The following SPOCK1 variants were observed in gnomAD, a reference collection of about 807,000 sequenced individuals.
SPOCK1 encodes SPARC (osteonectin), cwcv and kazal like domains proteoglycan 1.
Under a neutral mutation model 55.3 loss-of-function variants are expected in SPOCK1, and 23 were observed. That is an observed-to-expected ratio of 0.42 (90% CI 0.30 to 0.59). The LOEUF (loss-of-function observed/expected upper bound fraction) is 0.59. Among genes scored for constraint, SPOCK1 ranks in the 20% least tolerant of loss-of-function variants. The probability of loss-of-function intolerance (pLI) is 0.22; values close to 1 mark genes in which losing one functional copy is unlikely to be tolerated. For missense variants in SPOCK1, 499 were observed against 552.5 expected (o/e 0.90, Z 0.97); for synonymous variants, 226 against 221.0 (o/e 1.02, Z -0.20).
chr5:137,295,433 C>A (rs1237147934), intron 2 of SPOCK1, among the ~76,000 whole-genome samples: 2 of 152,222 alleles, frequency 1.3e-5, no homozygotes, highest in African/African-American at 4.8e-5. Context: ...CAGAGATGAG[C>A]ATGTCTATGT....
chr5:137,098,120 A>T (rs1753189780), intron 5 of SPOCK1, among the ~76,000 whole-genome samples: 1 of 152,210 alleles, frequency 6.6e-6, no homozygotes, highest in African/African-American at 2.4e-5. Flanking sequence ...TGTTCGATGA[A>T]TTTAATATGT....
rs1750656594 is a variant in SPOCK1, at chr5:136,978,338, C to T, written c.*316G>A. ...TTTAAGAGGGTTGGGGCTCCCTGCA[C>T]TGTCAGAATTCCACGTAAATCACAT... On this transcript the variant is annotated 3_prime_UTR_variant, in exon 11 of 11. Transcript: ENST00000394945. The T allele has an allele frequency of 5.8e-6, 2 of 347,798 alleles. No individual in the cohort carries two copies. Among genetic ancestry groups the T allele is most frequent in the Non-Finnish European group, 1.0e-5 (2 of 194,616 alleles). 21.5% of individuals were successfully genotyped at this position (347,798 alleles called of 1,614,324 possible).
At chr5:137,435,264 T>C (rs184296343) in intron 2 of SPOCK1, among the ~76,000 whole-genome samples, 2 of 152,364 alleles carry the variant, frequency 1.3e-5, no homozygotes, top group Admixed American at 1.3e-4. Flanking sequence ...AATTAATTCC[T>C]TAAGAGAATT....
intron 2 of SPOCK1, among the ~76,000 whole-genome samples, chr5:137,330,224 AC>A (rs960304880): frequency 6.6e-6 from 1 of 151,672 alleles, no homozygotes; most frequent in African/African-American, 2.4e-5. Context: ...TGAATCAGAG[AC>A]CCCCCAGACA....
In SPOCK1 at chr5:137,112,452, G is replaced by C. The variant is rs535164705; in HGVS notation, c.457C>G (p.His153Asp). ...QSAMVCGSDGHSYTSKCKLEF... is the reference protein window; with the variant it reads ...QSAMVCGSDGDSYTSKCKLEF... ...AAACCAACCTTGGATGTGTAGGAGT[G>C]GCCATCTGAGCCGCAGACCATGGCT... is the stretch of plus-strand genomic sequence containing the variant. Residue 153 changes from histidine (H) to aspartate (D), a missense_variant, in exon 5 of 11, where the codon CAC becomes GAC. Around this residue, in one of 3 missense-constraint regions of SPOCK1, gnomAD observed 386 missense variants for 400.6 expected, o/e 0.96. Coordinates refer to ENST00000394945, the MANE Select transcript of SPOCK1 (RefSeq NM_004598.4). 6.2e-7 allele frequency: 1 copy of C among 1,613,508 alleles called. No homozygotes were observed. The highest frequency in any genetic ancestry group is 2.2e-5 in the East Asian group (1 of 44,862).
intron 3 of SPOCK1, among the ~76,000 whole-genome samples, chr5:137,258,614 C>T (rs1429171095): frequency 1.3e-5 from 2 of 152,188 alleles, no homozygotes; most frequent in African/African-American, 4.8e-5. Flanking sequence ...TAGGACTCAA[C>T]AAGTACAATA....
At chr5:137,132,016 ATAT>A (rs1580767707) in intron 4 of SPOCK1, among the ~76,000 whole-genome samples, 6 of 93,526 alleles carry the variant, frequency 6.4e-5, no homozygotes, top group East Asian at 4.9e-4. Context: ...ATATATATAT[ATAT>A]AAAAAATTAG....
chr5:137,127,409 A>G (rs1247995468), intron 4 of SPOCK1, among the ~76,000 whole-genome samples: 2 of 152,234 alleles, frequency 1.3e-5, no homozygotes, highest in African/African-American at 4.8e-5. Context: ...GTAGGGGGAC[A>G]GGGCTGCCTG....
intron 2 of SPOCK1, among the ~76,000 whole-genome samples, chr5:137,362,784 G>A (rs983142652): frequency 3.9e-5 from 6 of 152,202 alleles, no homozygotes; most frequent in Admixed American, 6.5e-5. Flanking sequence ...TATAAAAACA[G>A]ACAGACAGGG....
chr5:137,459,684 G>A (rs564661719), intron 2 of SPOCK1, among the ~76,000 whole-genome samples: 2 of 152,094 alleles, frequency 1.3e-5, no homozygotes, highest in South Asian at 2.1e-4. Flanking sequence ...GGCTTTTCTC[G>A]ACACCATCAA....
intron 3 of SPOCK1, among the ~76,000 whole-genome samples, chr5:137,239,624 G>T (rs1295733555): frequency 1.3e-5 from 2 of 152,122 alleles, no homozygotes. Context: ...AACTGAATTG[G>T]AGGACACCAG....
intron 2 of SPOCK1, among the ~76,000 whole-genome samples, chr5:137,399,658 C>A (rs888575869): frequency 6.6e-6 from 1 of 152,062 alleles, no homozygotes; most frequent in African/African-American, 2.4e-5. Flanking sequence ...GACGTTTGCA[C>A]GTAAAGAGAG....
intron 6 of SPOCK1, among the ~76,000 whole-genome samples, chr5:137,024,435 G>A (rs1309899017): frequency 1.1e-4 from 17 of 151,842 alleles, no homozygotes; most frequent in Admixed American, 1.1e-3. Context: ...AGAATAAAAG[G>A]AGCACCAACC....
chr5:136,995,325 G>A (rs76600825), intron 6 of SPOCK1, among the ~76,000 whole-genome samples: 1,665 of 152,246 alleles, frequency 0.011, 31 homozygotes, highest in African/African-American at 0.038. Flanking sequence ...CTCCCAAATA[G>A]CAGGGAAGGT....
At chr5:137,362,486 C>A (rs1007015129) in intron 2 of SPOCK1, among the ~76,000 whole-genome samples, 4 of 152,004 alleles carry the variant, frequency 2.6e-5, no homozygotes, top group African/African-American at 7.3e-5. Flanking sequence ...CCCGCCACCA[C>A]GCCCGGCTAA....
At chr5:137,030,646 G>T (rs371549439) in intron 6 of SPOCK1, among the ~76,000 whole-genome samples, 6 of 152,314 alleles carry the variant, frequency 3.9e-5, no homozygotes, top group South Asian at 2.1e-4. Context: ...GACCATGGGA[G>T]TATGAGTTGG....
At chr5:137,491,031 G>T (rs1429570407) in intron 2 of SPOCK1, among the ~76,000 whole-genome samples, 1 of 152,094 alleles carries the variant, frequency 6.6e-6, no homozygotes, top group African/African-American at 2.4e-5. Flanking sequence ...AGATCATTAC[G>T]AATTAAAATA....
chr5:137,370,514 CAAGAGAAAG>C (rs1751176026), intron 2 of SPOCK1, among the ~76,000 whole-genome samples: 3 of 152,294 alleles, frequency 2.0e-5, no homozygotes, highest in Admixed American at 6.5e-5. Flanking sequence ...TTCTTCTATT[CAAGAGAAAG>C]GCTCCTTGAA....
At chr5:137,201,821 A>G (rs910266538) in intron 3 of SPOCK1, among the ~76,000 whole-genome samples, 1 of 152,152 alleles carries the variant, frequency 6.6e-6, no homozygotes, top group Non-Finnish European at 1.5e-5. Flanking sequence ...CCAATACTCT[A>G]TCAACTCTGA....
Sources: gnomAD v4.1 joint callset for allele counts (sites outside exome capture counted in the v4.1 genomes callset) on GRCh38, gnomAD v4.1.1 for gene constraint, gnomAD v4.1.1 regional missense constraint, MANE v1.5 for transcripts, NCBI Gene and HGNC (gene_info 2026-07-23, HGNC 2026-07-21) for gene names.